TRPM7: variants seen among roughly 807,000 people sequenced by gnomAD.
TRPM7 encodes LTRPC ion channel family member 7.
A neutral mutation model predicts 229.7 loss-of-function variants in TRPM7; 134 were observed. The ratio of observed to expected loss-of-function variants is 0.58; its 90% CI spans 0.51 to 0.67. TRPM7 has a LOEUF of 0.67. Ranked by LOEUF, TRPM7 falls within the 30% of genes least tolerant of loss-of-function variation. The probability of loss-of-function intolerance (pLI) is 0.00; values close to 1 mark genes in which losing one functional copy is unlikely to be tolerated. For synonymous variants in TRPM7, 699 were observed against 715.2 expected, an observed-to-expected ratio of 0.98 and a Z score of 0.36; for missense variants, 1,901 against 2,210.0, an observed-to-expected ratio of 0.86 and a Z score of 2.80.
At chr15:50,680,807 C>G (rs2062224898) in intron 1 of TRPM7, among the ~76,000 whole-genome samples, 1 of 152,112 alleles carries the variant, frequency 6.6e-6, no homozygotes, top group South Asian at 2.1e-4. Context: ...TATCAAAAGC[C>G]TTCTCCAAGT....
intron 27 of TRPM7, among the ~76,000 whole-genome samples, chr15:50,589,221 C>T (rs1319880057): frequency 6.7e-6 from 1 of 148,588 alleles, no homozygotes; most frequent in East Asian, 2.0e-4. Flanking sequence ...ACTCAAGAGG[C>T]TGAGGCAGGA....
At chr15:50,637,988 G>A (rs528969729) in intron 6 of TRPM7, among the ~76,000 whole-genome samples, 24 of 152,268 alleles carry the variant, frequency 1.6e-4, no homozygotes, top group South Asian at 1.5e-3. Flanking sequence ...AGGCCGAGGC[G>A]AGTGGATTAC....
intron 3 of TRPM7, 110 bp downstream of exon 3, chr15:50,657,671 C>T: frequency 1.0e-6 from 1 of 975,060 alleles, no homozygotes. Context: ...AAGTACCCAT[C>T]AAATATAATA....
chr15:50,615,189 A>G (rs1384753849), intron 13 of TRPM7, among the ~76,000 whole-genome samples: 5 of 141,644 alleles, frequency 3.5e-5, no homozygotes, highest in Admixed American at 7.3e-5. Flanking sequence ...AAAAAAAAAA[A>G]AGAGACAGTG....
chr15:50,668,300 G>A (rs2061926086), intron 1 of TRPM7, among the ~76,000 whole-genome samples: 1 of 152,134 alleles, frequency 6.6e-6, no homozygotes, highest in South Asian at 2.1e-4. Context: ...ATTAATGTAA[G>A]ACTCATCTTT....
intron 12 of TRPM7, among the ~76,000 whole-genome samples, chr15:50,623,388 G>C (rs2060468777): frequency 6.6e-6 from 1 of 150,970 alleles, no homozygotes; most frequent in African/African-American, 2.4e-5. Context: ...CTCCAGCCTG[G>C]TGACAGAGCG....
chr15:50,672,122 T>A (rs2062002650), intron 1 of TRPM7, among the ~76,000 whole-genome samples: 1 of 152,168 alleles, frequency 6.6e-6, no homozygotes, highest in Non-Finnish European at 1.5e-5. Context: ...TGGCATGATC[T>A]TGGCTCACTG....
intron 29 of TRPM7, among the ~76,000 whole-genome samples, chr15:50,581,634 T>C (rs1422442285): frequency 6.6e-6 from 1 of 152,134 alleles, no homozygotes; most frequent in East Asian, 1.9e-4. Flanking sequence ...GCCTTTGTTG[T>C]GTATATGTGC....
At chr15:50,576,248 A>G (rs2141515739) in intron 31 of TRPM7, among the ~76,000 whole-genome samples, 1 of 152,266 alleles carries the variant, frequency 6.6e-6, no homozygotes, top group Non-Finnish European at 1.5e-5. Flanking sequence ...GGGGTTGGGG[A>G]CTGTAGCCAT....
chr15:50,643,884 C>T (rs1360267281), intron 4 of TRPM7, among the ~76,000 whole-genome samples: 3 of 151,826 alleles, frequency 2.0e-5, no homozygotes, highest in African/African-American at 7.3e-5. Context: ...TATGACTACA[C>T]AGTGAGTTAG....
At chr15:50,565,305 C>A (rs1455677285) in intron 38 of TRPM7, among the ~76,000 whole-genome samples, 2 of 151,868 alleles carry the variant, frequency 1.3e-5, no homozygotes, top group Non-Finnish European at 2.9e-5. Flanking sequence ...AAATTTAAAA[C>A]AAAATCAAGA....
chr15:50,629,811 GA>G (rs1399103974), intron 10 of TRPM7, among the ~76,000 whole-genome samples: 1 of 146,434 alleles, frequency 6.8e-6, no homozygotes, highest in African/African-American at 2.5e-5. Flanking sequence ...TTAATACACA[GA>G]AAAGTACATG....
Position 50,596,331 on chromosome 15 carries a change from A to G in TRPM7, c.3214T>C (p.Leu1072=), listed in dbSNP as rs2059632238. The G allele has an allele frequency of 1.9e-6, 3 of 1,610,556 alleles. No homozygotes were observed. In the South Asian group the frequency reaches 3.3e-5, roughly 18 times the overall value. ...TAGACTGCTTGAAGAAATGGAGTCAACCACGTCCCAGGACCACAGATTTGA... is the reference window on the plus strand; with the variant it reads ...TAGACTGCTTGAAGAAATGGAGTCAGCCACGTCCCAGGACCACAGATTTGA... ...IPQICGPGTW[L]TPFLQAVYLF... The change falls in exon 23 of 39, where the codon TTG becomes CTG. Residue 1072 remains leucine (L), a synonymous_variant. Coordinates refer to ENST00000646667, the MANE Select transcript of TRPM7 (RefSeq NM_017672.6).
At chr15:50,644,630 C>T (rs1437456907) in intron 4 of TRPM7, among the ~76,000 whole-genome samples, 1 of 151,864 alleles carries the variant, frequency 6.6e-6, no homozygotes, top group African/African-American at 2.4e-5. Flanking sequence ...TGGTGAAACC[C>T]CGTCTCTACT....
chr15:50,676,712 C>G (rs1026667861), intron 1 of TRPM7, among the ~76,000 whole-genome samples: 7 of 152,038 alleles, frequency 4.6e-5, no homozygotes, highest in Non-Finnish European at 8.8e-5. Flanking sequence ...TGAAAACAGT[C>G]CCCATCCTAT....
chr15:50,569,641 C>A (rs1340776041), intron 38 of TRPM7, among the ~76,000 whole-genome samples: 2 of 152,146 alleles, frequency 1.3e-5, no homozygotes, highest in Non-Finnish European at 2.9e-5. Flanking sequence ...ATTCTACTTT[C>A]AACACTGAGC....
At chr15:50,604,819 A>T (rs1228043370) in intron 21 of TRPM7, 47 bp downstream of exon 21, 4 of 1,497,640 alleles carry the variant, frequency 2.7e-6, no homozygotes, top group South Asian at 2.8e-5. Context: ...GTGATTTTTT[A>T]AAAAATCAAT....
chr15:50,672,023 T>TA (rs1437554154), intron 1 of TRPM7, among the ~76,000 whole-genome samples: 3 of 152,224 alleles, frequency 2.0e-5, no homozygotes, highest in Non-Finnish European at 2.9e-5. Flanking sequence ...TTTTTATGGT[T>TA]AGAGTGTACT....
chr15:50,655,586 A>T (rs1017403049), intron 3 of TRPM7, among the ~76,000 whole-genome samples: 17 of 152,202 alleles, frequency 1.1e-4, no homozygotes, highest in African/African-American at 3.4e-4. Context: ...AGAAAAAAAA[A>T]ATATTTAAAG....
Sources: allele counts gnomAD v4.1 joint callset (sites outside exome capture counted in the v4.1 genomes callset), GRCh38; gene constraint gnomAD v4.1.1; transcripts MANE v1.5; gene names NCBI Gene and HGNC (gene_info 2026-07-23, HGNC 2026-07-21).